Variants in FGF13 observed in about 807,000 individuals in gnomAD.
The protein encoded by FGF13 is fibroblast growth factor 13.
In FGF13, 2 loss-of-function variants were observed where a neutral mutation model predicts 19.5. The ratio of observed to expected loss-of-function variants is 0.10; its 90% CI spans 0.04 to 0.32. FGF13 has a LOEUF of 0.32. FGF13 is among the 10% of genes least tolerant of loss of function. The pLI, the probability that FGF13 is intolerant of heterozygous loss-of-function variation, is 1.00. For synonymous variants in FGF13, 72 were observed against 76.9 expected, an observed-to-expected ratio of 0.94 and a Z score of 0.33; for missense variants, 113 against 192.7, an observed-to-expected ratio of 0.59 and a Z score of 2.45.
chrX:138,767,849 G>A (rs1448710130), intron 3 of FGF13, among the ~76,000 whole-genome samples: 1 of 112,302 alleles, frequency 8.9e-6, no homozygotes, highest in Non-Finnish European at 1.9e-5. Flanking sequence ...GGGGAATTTG[G>A]AGAATTAGAA....
chrX:139,057,249 T>C lies in FGF13; in HGVS notation c.-113+146167A>G, dbSNP rs766178087. Among the ~76,000 whole-genome samples the C allele has an allele frequency of 5.2e-4, 58 of 111,434 alleles. No individual in the cohort carries two copies. In the South Asian group the frequency reaches 0.011, roughly 22 times the overall value. Reference sequence around the variant, plus strand: ...TGGATAGGAAATGACTTAAGATTAGTTAATTTATAGAAGTTGGTATCAGTA... The same window carrying C: ...TGGATAGGAAATGACTTAAGATTAGCTAATTTATAGAAGTTGGTATCAGTA... On this transcript the variant is annotated intron_variant, in intron 1 of 2. Transcript: ENST00000421460.
intron 1 of FGF13, among the ~76,000 whole-genome samples, chrX:138,929,416 G>A (rs1457742890): frequency 9.0e-6 from 1 of 110,693 alleles, no homozygotes; most frequent in Non-Finnish European, 1.9e-5. Flanking sequence ...CAAGATCTAG[G>A]GGCAGGCTGT....
intron 3 of FGF13, among the ~76,000 whole-genome samples, chrX:138,768,644 CA>C (rs2090519143): frequency 9.6e-6 from 1 of 103,651 alleles, no homozygotes; most frequent in Non-Finnish European, 1.9e-5. Flanking sequence ...AATGCAAGTG[CA>C]AAATGTAAAG....
intron 1 of FGF13, among the ~76,000 whole-genome samples, chrX:138,934,488 A>T (rs1343360221): frequency 8.9e-6 from 1 of 112,674 alleles, no homozygotes; most frequent in Non-Finnish European, 1.9e-5. Context: ...AATAAGTCTG[A>T]AGCACAGTAA....
intron 1 of FGF13, among the ~76,000 whole-genome samples, chrX:139,164,045 T>C (rs1238178467): frequency 9.0e-6 from 1 of 110,595 alleles, no homozygotes; most frequent in Non-Finnish European, 1.9e-5. Flanking sequence ...CTGACAGCTC[T>C]GAAATTTGCA....
At chrX:138,766,670 C>T (rs2090504523) in intron 3 of FGF13, among the ~76,000 whole-genome samples, 1 of 111,816 alleles carries the variant, frequency 8.9e-6, no homozygotes, top group South Asian at 3.8e-4. Flanking sequence ...CTATTTTTCC[C>T]TAGCAGGTGT....
chrX:138,915,747 T>C, intron 1 of FGF13, among the ~76,000 whole-genome samples: 1 of 112,109 alleles, frequency 8.9e-6, no homozygotes, highest in Non-Finnish European at 1.9e-5. Flanking sequence ...TGCTCATTTC[T>C]TGAGATATGA....
intron 3 of FGF13, among the ~76,000 whole-genome samples, chrX:138,686,171 A>T (rs897416934): frequency 1.8e-5 from 2 of 111,721 alleles, no homozygotes; most frequent in East Asian, 5.6e-4. Flanking sequence ...ACTGGTTGCC[A>T]TCAGCTTTTC....
At chrX:139,137,793 A>G (rs2083812082) in intron 1 of FGF13, among the ~76,000 whole-genome samples, 1 of 112,391 alleles carries the variant, frequency 8.9e-6, no homozygotes. Context: ...TGTTGTGTGT[A>G]TGTTTAGGGA....
intron 3 of FGF13, among the ~76,000 whole-genome samples, chrX:138,672,601 C>T (rs766493337): frequency 9.0e-5 from 10 of 111,509 alleles, no homozygotes; most frequent in African/African-American, 9.8e-5. Flanking sequence ...ACTTGTTAAC[C>T]GAAATACGAT....
At chrX:138,906,507 C>G (rs1397108850) in intron 1 of FGF13, among the ~76,000 whole-genome samples, 1 of 111,747 alleles carries the variant, frequency 8.9e-6, no homozygotes, top group Non-Finnish European at 1.9e-5. Context: ...GCCCTACATT[C>G]CAGTGGCTGA....
intron 1 of FGF13, among the ~76,000 whole-genome samples, chrX:139,092,419 G>A (rs903337744): frequency 8.9e-6 from 1 of 112,096 alleles, no homozygotes; most frequent in African/African-American, 3.2e-5. Flanking sequence ...TTTCTTTCTT[G>A]TCAGAGAAAA....
intron 1 of FGF13, among the ~76,000 whole-genome samples, chrX:138,734,789 C>A (rs1273836317): frequency 1.8e-5 from 2 of 111,886 alleles, no homozygotes; most frequent in East Asian, 5.7e-4. Flanking sequence ...AGCTGGGCAG[C>A]CAGCCTGTGC....
chrX:138,785,501 T>C (rs2090685071), intron 3 of FGF13, among the ~76,000 whole-genome samples: 1 of 111,485 alleles, frequency 9.0e-6, no homozygotes, highest in Admixed American at 9.6e-5. Context: ...ATCACTGTTA[T>C]CAAAGTTATC....
At position 138,619,330 on chromosome X, in the gene FGF13, A is replaced by G. The variant is rs1277793416; in HGVS notation, c.*13520T>C. ...TAAAAAAGTAACAGAAAACATCCAC[A>G]GCATACTCAATCAAATGAAAGAAAT... is the stretch of plus-strand genomic sequence containing the variant. On this transcript the variant is annotated 3_prime_UTR_variant, in exon 5 of 5. Coordinates refer to ENST00000315930, the MANE Select transcript of FGF13 (RefSeq NM_004114.5). 1 of 111,869 alleles carries G rather than the reference A, an allele frequency of 8.9e-6. No individual in the cohort carries two copies. The highest frequency in any genetic ancestry group is 1.9e-5 in the Non-Finnish European group (1 of 53,242). 9.2% of individuals were successfully genotyped at this position (111,869 alleles called of 1,213,427 possible).
intron 1 of FGF13, among the ~76,000 whole-genome samples, chrX:139,021,242 T>C (rs1234386262): frequency 9.0e-6 from 1 of 110,985 alleles, no homozygotes; most frequent in East Asian, 2.8e-4. Context: ...TGGAGGTAAA[T>C]TTTGGGCTGC....
At chrX:138,721,943 G>T (rs983005105) in intron 1 of FGF13, among the ~76,000 whole-genome samples, 8 of 110,424 alleles carry the variant, frequency 7.2e-5, no homozygotes, top group Admixed American at 9.7e-5. Flanking sequence ...TGAACATTTT[G>T]ATCACACTTA....
At chrX:139,103,635 T>C (rs1175997669) in intron 1 of FGF13, among the ~76,000 whole-genome samples, 1 of 112,162 alleles carries the variant, frequency 8.9e-6, no homozygotes, top group Non-Finnish European at 1.9e-5. Flanking sequence ...ATTCTGTGAA[T>C]ATACTAAAAC....
chrX:138,653,102 C>CTA (rs1329452564), intron 3 of FGF13, among the ~76,000 whole-genome samples: 1 of 111,923 alleles, frequency 8.9e-6, no homozygotes, highest in East Asian at 2.8e-4. Context: ...GGGGGCTTAA[C>CTA]ACCTGATATC....
Sources: gnomAD v4.1 joint callset for allele counts (sites outside exome capture counted in the v4.1 genomes callset) on GRCh38, gnomAD v4.1.1 for gene constraint, MANE v1.5 for transcripts, NCBI Gene and HGNC (gene_info 2026-07-23, HGNC 2026-07-21) for gene names.